Variants in LINGO2 observed in about 807,000 individuals in gnomAD.
The protein encoded by LINGO2 is leucine rich repeat and Ig domain containing 2.
In LINGO2, 14 loss-of-function variants were observed where a neutral mutation model predicts 30.6. That is an observed-to-expected ratio of 0.46 (90% CI 0.30 to 0.72). The LOEUF (loss-of-function observed/expected upper bound fraction) is 0.72. Ranked by LOEUF, LINGO2 falls within the 30% of genes least tolerant of loss-of-function variation. The pLI is 0.07. For missense variants in LINGO2, 729 were observed against 751.7 expected (o/e 0.97, Z 0.35); for synonymous variants, 317 against 288.5 (o/e 1.10, Z -1.00).
the LINGO2 span, chr9:27,940,387 G>C: frequency 6.6e-6 from 1 of 152,056 alleles, no homozygotes; most frequent in Non-Finnish European, 1.5e-5. Flanking sequence ...TTGATGAAAG[G>C]CACCAGTGTG....
chr9:29,107,235 G>A, the LINGO2 span, among the ~76,000 whole-genome samples: 33 of 152,196 alleles, frequency 2.2e-4, no homozygotes, highest in Non-Finnish European at 3.7e-4. Flanking sequence ...ACAAAATTAT[G>A]CAATCATACT....
At chr9:28,567,044 C>T (rs1043400405) in intron 1 of LINGO2, among the ~76,000 whole-genome samples, 2 of 152,132 alleles carry the variant, frequency 1.3e-5, no homozygotes, top group African/African-American at 2.4e-5. Flanking sequence ...TGACTCCACA[C>T]AGAAAACAAT....
the LINGO2 span, among the ~76,000 whole-genome samples, chr9:28,872,666 C>T: frequency 6.6e-6 from 1 of 152,060 alleles, no homozygotes; most frequent in Non-Finnish European, 1.5e-5. Flanking sequence ...GTGATCATAA[C>T]CATATTGTTT....
At chr9:28,039,794 C>T (rs150149737) in intron 4 of LINGO2, among the ~76,000 whole-genome samples, 1 of 152,296 alleles carries the variant, frequency 6.6e-6, no homozygotes, top group East Asian at 1.9e-4. Context: ...CCTTAATAGA[C>T]ACAAATGCCA....
intron 4 of LINGO2, among the ~76,000 whole-genome samples, chr9:28,176,564 C>T (rs1003009244): frequency 4.6e-5 from 7 of 152,244 alleles, no homozygotes; most frequent in South Asian, 4.1e-4. Context: ...GAATTTAATA[C>T]AATATCTGAC....
intron 4 of LINGO2, among the ~76,000 whole-genome samples, chr9:28,293,061 C>G: frequency 6.6e-6 from 1 of 151,906 alleles, no homozygotes; most frequent in Middle Eastern, 3.4e-3. Flanking sequence ...CTTGAGCCAC[C>G]GCACCCGGCT....
the LINGO2 span, among the ~76,000 whole-genome samples, chr9:28,781,532 G>A: frequency 6.6e-6 from 1 of 152,086 alleles, no homozygotes; most frequent in East Asian, 1.9e-4. Flanking sequence ...CTTTAGAAAA[G>A]GAAGCCATCA....
the LINGO2 span, among the ~76,000 whole-genome samples, chr9:28,813,496 C>A: frequency 6.6e-6 from 1 of 152,124 alleles, no homozygotes; most frequent in African/African-American, 2.4e-5. Flanking sequence ...AGCAAAACTG[C>A]AAATAACGAG....
chr9:28,039,601 T>C (rs142252744), intron 4 of LINGO2, among the ~76,000 whole-genome samples: 1 of 152,248 alleles, frequency 6.6e-6, no homozygotes, highest in East Asian at 1.9e-4. Context: ...TTGGACTCTG[T>C]ATATAAACAG....
chr9:28,437,275 G>C (rs139183896), intron 2 of LINGO2, among the ~76,000 whole-genome samples: 1 of 152,074 alleles, frequency 6.6e-6, no homozygotes, highest in African/African-American at 2.4e-5. Context: ...TTTGTACTTC[G>C]TAACTCTAGA....
At chr9:28,590,232 G>C (rs1228987336) in intron 1 of LINGO2, among the ~76,000 whole-genome samples, 2 of 151,988 alleles carry the variant, frequency 1.3e-5, no homozygotes, top group Non-Finnish European at 2.9e-5. Flanking sequence ...TACCATTCAG[G>C]ACATAGGCAT....
the LINGO2 span, among the ~76,000 whole-genome samples, chr9:28,853,415 T>C: frequency 1.1e-4 from 17 of 152,112 alleles, no homozygotes; most frequent in Non-Finnish European, 1.9e-4. Context: ...CTGTCAAATA[T>C]TAAAGACAAA....
chr9:28,395,435 C>A (rs1821999928), intron 2 of LINGO2, among the ~76,000 whole-genome samples: 2 of 151,832 alleles, frequency 1.3e-5, no homozygotes, highest in South Asian at 2.1e-4. Flanking sequence ...TATTCGTTGC[C>A]AAGAAGATGG....
At chr9:28,834,337 ACT>A in the LINGO2 span, among the ~76,000 whole-genome samples, 54 of 152,074 alleles carry the variant, frequency 3.6e-4, no homozygotes, top group African/African-American at 1.2e-3. Flanking sequence ...AAATTTAGAG[ACT>A]CTGTTACTAT....
chr9:28,246,852 C>T (rs559252251), intron 4 of LINGO2, among the ~76,000 whole-genome samples: 1 of 152,220 alleles, frequency 6.6e-6, no homozygotes, highest in South Asian at 2.1e-4. Flanking sequence ...GCAATCTACC[C>T]TTTTGACAAA....
chr9:29,135,004 A>AT, the LINGO2 span, among the ~76,000 whole-genome samples: 1 of 151,758 alleles, frequency 6.6e-6, no homozygotes, highest in African/African-American at 2.4e-5. Flanking sequence ...ATAGATTCTA[A>AT]TTTTTTTTAT....
intron 3 of LINGO2, among the ~76,000 whole-genome samples, chr9:28,359,388 C>T (rs1220011562): frequency 6.6e-6 from 1 of 151,974 alleles, no homozygotes. Flanking sequence ...TTCTTCATTG[C>T]CAAACACAAA....
chr9:28,549,380 T>G (rs1822148967), intron 1 of LINGO2, among the ~76,000 whole-genome samples: 1 of 152,082 alleles, frequency 6.6e-6, no homozygotes, highest in Non-Finnish European at 1.5e-5. Context: ...GGTTGTTTAT[T>G]TCCTTATTTC....
chr9:28,791,908 A>T, the LINGO2 span, among the ~76,000 whole-genome samples: 1 of 151,718 alleles, frequency 6.6e-6, no homozygotes, highest in Admixed American at 6.6e-5. Context: ...ATATTACAGG[A>T]ATATATTACA....
Sources: allele counts gnomAD v4.1 joint callset (sites outside exome capture counted in the v4.1 genomes callset), GRCh38; gene constraint gnomAD v4.1.1; transcripts MANE v1.5; gene names NCBI Gene and HGNC (gene_info 2026-07-23, HGNC 2026-07-21).